RBFOX1: variants seen among roughly 807,000 people sequenced by gnomAD.
RBFOX1 encodes RNA binding protein fox-1 homolog 1.
RBFOX1 carries 8 observed loss-of-function variants against 57.7 expected under a neutral mutation model. The observed-to-expected ratio is 0.14, with a 90% CI of 0.08 to 0.25. The LOEUF (loss-of-function observed/expected upper bound fraction) is 0.25. RBFOX1 is among the 10% of genes least tolerant of loss of function. The pLI, the probability that RBFOX1 is intolerant of heterozygous loss-of-function variation, is 1.00. For synonymous variants in RBFOX1, 326 were observed against 222.4 expected (o/e 1.47, Z -4.15); for missense variants, 611 against 548.5 (o/e 1.11, Z -1.14).
chr16:7,351,686 A>G (rs2097132565), intron 4 of RBFOX1, among the ~76,000 whole-genome samples: 1 of 152,124 alleles, frequency 6.6e-6, no homozygotes, highest in Non-Finnish European at 1.5e-5. Flanking sequence ...GGTTTGCCTT[A>G]GAGACACCTG....
At chr16:5,417,549 T>C (rs1370771531) in intron 1 of RBFOX1, among the ~76,000 whole-genome samples, 6 of 152,154 alleles carry the variant, frequency 3.9e-5, no homozygotes, top group African/African-American at 1.4e-4. Context: ...CGTGGATTTC[T>C]TACCCCTGGC....
At chr16:6,235,330 A>G (rs910525445) in intron 1 of RBFOX1, among the ~76,000 whole-genome samples, 1 of 152,074 alleles carries the variant, frequency 6.6e-6, no homozygotes, top group Non-Finnish European at 1.5e-5. Context: ...AGCAGCATAA[A>G]AAGTCCAAGC....
At chr16:5,384,120 A>C (rs2066199055) in intron 1 of RBFOX1, among the ~76,000 whole-genome samples, 1 of 152,192 alleles carries the variant, frequency 6.6e-6, no homozygotes, top group Admixed American at 6.5e-5. Flanking sequence ...GTTCTGTCTT[A>C]CTGGCTTTGA....
intron 3 of RBFOX1, among the ~76,000 whole-genome samples, chr16:5,808,011 G>C (rs568047858): frequency 1.3e-5 from 2 of 152,270 alleles, no homozygotes; most frequent in South Asian, 4.2e-4. Flanking sequence ...ACACCTATCA[G>C]GCTTACTCCT....
chr16:7,510,321 G>A (rs531457430), intron 4 of RBFOX1: 6 of 979,426 alleles, frequency 6.1e-6, no homozygotes, highest in Non-Finnish European at 6.1e-6. Flanking sequence ...AGGTATTTTT[G>A]TTTTTTTTTC....
intron 1 of RBFOX1, among the ~76,000 whole-genome samples, chr16:6,301,430 C>A (rs2078810498): frequency 6.6e-6 from 1 of 151,908 alleles, no homozygotes; most frequent in Non-Finnish European, 1.5e-5. Flanking sequence ...GAAATAAGTA[C>A]CTTTATGAAA....
intron 3 of RBFOX1, among the ~76,000 whole-genome samples, chr16:5,756,684 T>G (rs1164702354): frequency 1.3e-5 from 2 of 152,198 alleles, no homozygotes; most frequent in South Asian, 2.1e-4. Context: ...ATTTCCTCAA[T>G]TTGTACTTCA....
intron 1 of RBFOX1, among the ~76,000 whole-genome samples, chr16:5,347,333 A>G (rs1222846792): frequency 6.6e-6 from 1 of 152,162 alleles, no homozygotes; most frequent in East Asian, 1.9e-4. Flanking sequence ...TGCTCAACAA[A>G]TACTTGAATG....
At chr16:6,334,665 A>C (rs142720532) in intron 2 of RBFOX1, among the ~76,000 whole-genome samples, 120 of 152,300 alleles carry the variant, frequency 7.9e-4, no homozygotes, top group African/African-American at 2.7e-3. Flanking sequence ...AAGACAGAGG[A>C]CAGGCAAGTA....
At chr16:7,225,695 A>G (rs533346501) in intron 4 of RBFOX1, among the ~76,000 whole-genome samples, 6 of 136,828 alleles carry the variant, frequency 4.4e-5, no homozygotes, top group Middle Eastern at 4.2e-3. Flanking sequence ...TCCAAATAGA[A>G]TTGGCGTTTG....
intron 3 of RBFOX1, among the ~76,000 whole-genome samples, chr16:6,798,058 C>G (rs1263654816): frequency 1.3e-5 from 2 of 152,050 alleles, no homozygotes; most frequent in South Asian, 2.1e-4. Context: ...AAACCCAACA[C>G]ATAGGCATGT....
intron 2 of RBFOX1, among the ~76,000 whole-genome samples, chr16:6,545,050 A>G (rs187109397): frequency 1.3e-5 from 2 of 152,344 alleles, no homozygotes; most frequent in African/African-American, 2.4e-5. Context: ...AGGCATTCCA[A>G]TAGGACTGAG....
At chr16:5,669,819 T>C (rs941643565) in intron 3 of RBFOX1, among the ~76,000 whole-genome samples, 3 of 152,204 alleles carry the variant, frequency 2.0e-5, no homozygotes, top group African/African-American at 7.2e-5. Flanking sequence ...ATTTAAACAA[T>C]TGCCATAGGG....
chr16:7,174,955 A>T (rs1035886312), intron 4 of RBFOX1, among the ~76,000 whole-genome samples: 1 of 152,188 alleles, frequency 6.6e-6, no homozygotes, highest in African/African-American at 2.4e-5. Context: ...GTATGTGGTG[A>T]TATCTCATCA....
At chr16:7,036,869 A>G (rs1466722370) in intron 3 of RBFOX1, among the ~76,000 whole-genome samples, 2 of 152,190 alleles carry the variant, frequency 1.3e-5, no homozygotes, top group African/African-American at 2.4e-5. Context: ...ATCAGAGTGG[A>G]TGATGAGCCC....
At chr16:5,908,595 C>T (rs145515530) in intron 4 of RBFOX1, among the ~76,000 whole-genome samples, 7,878 of 152,060 alleles carry the variant, frequency 0.052, 711 homozygotes, top group African/African-American at 0.18. Flanking sequence ...TCAAGTGATC[C>T]ACCCACCTTG....
At chr16:5,712,198 C>T (rs2051515006) in intron 3 of RBFOX1, among the ~76,000 whole-genome samples, 1 of 152,166 alleles carries the variant, frequency 6.6e-6, no homozygotes, top group South Asian at 2.1e-4. Flanking sequence ...TCCACCAGGT[C>T]CCTTCTTCAA....
At chr16:6,858,640 G>A (rs1461482367) in intron 3 of RBFOX1, among the ~76,000 whole-genome samples, 1 of 152,010 alleles carries the variant, frequency 6.6e-6, no homozygotes, top group Non-Finnish European at 1.5e-5. Context: ...TAGTTTATAT[G>A]AGACATATCA....
chr16:5,359,737 A>T (rs1304221394), intron 1 of RBFOX1, among the ~76,000 whole-genome samples: 1 of 152,000 alleles, frequency 6.6e-6, no homozygotes, highest in Non-Finnish European at 1.5e-5. Context: ...TTTTAACTTG[A>T]TGTGATCCCA....
Sources: gnomAD v4.1 joint callset for allele counts (sites outside exome capture counted in the v4.1 genomes callset) on GRCh38, gnomAD v4.1.1 for gene constraint, MANE v1.5 for transcripts, NCBI Gene and HGNC (gene_info 2026-07-23, HGNC 2026-07-21) for gene names.